PPFIBP1: variants seen among roughly 807,000 people sequenced by gnomAD.
PPFIBP1 encodes PPFIB scaffold protein 1, also known as liprin-beta-1.
In PPFIBP1, 112 loss-of-function variants were observed where a neutral mutation model predicts 137.8. The ratio of observed to expected loss-of-function variants is 0.81; its 90% CI spans 0.70 to 0.95. The LOEUF is 0.95. Among genes scored for constraint, PPFIBP1 ranks in the 40% least tolerant of loss-of-function variants. The probability of loss-of-function intolerance (pLI) is 0.00; values close to 1 mark genes in which losing one functional copy is unlikely to be tolerated. For missense variants in PPFIBP1, 1,083 were observed against 1,196.6 expected, an observed-to-expected ratio of 0.91 and a Z score of 1.40; for synonymous variants, 378 against 417.3, an observed-to-expected ratio of 0.91 and a Z score of 1.15.
chr12:27,603,031 T>G (rs1191640927), intron 2 of PPFIBP1, among the ~76,000 whole-genome samples: 1 of 152,236 alleles, frequency 6.6e-6, no homozygotes, highest in Admixed American at 6.5e-5. Context: ...CTTATTGTAT[T>G]TTATAATGTC....
At position 27,614,332 on chromosome 12, in the gene PPFIBP1, G is replaced by A. The variant is rs536544131; in HGVS notation, c.-35-19030G>A. 2.6e-5 allele frequency among the ~76,000 whole-genome samples: 4 copies of A among 152,118 alleles called. No individual in the cohort carries two copies. The South Asian group carries it at 8.3e-4, about 32-fold the overall frequency. On this transcript the variant is annotated intron_variant, in intron 2 of 29. Coordinates refer to ENST00000228425, the MANE Select transcript of PPFIBP1 (RefSeq NM_003622.4). Reference sequence around the variant, plus strand: ...AGGTTGAGGCTGCAGTGAGCCGTGCGTGATTGGGCCACCGCACTCCAGCCT... The same window carrying A: ...AGGTTGAGGCTGCAGTGAGCCGTGCATGATTGGGCCACCGCACTCCAGCCT...
intron 9 of PPFIBP1, 68 bp downstream of exon 9, chr12:27,656,798 C>CA (rs2059227590): frequency 1.0e-6 from 1 of 1,001,296 alleles, no homozygotes; most frequent in Admixed American, 1.9e-5. Context: ...TAAAGGAAAC[C>CA]AATGAAAATC....
Position 27,647,834 on chromosome 12 carries a change from C to G in PPFIBP1, c.463C>G (p.Leu155Val). 1 of 1,611,456 alleles carries G rather than the reference C, an allele frequency of 6.2e-7. No homozygotes were observed. Among genetic ancestry groups the G allele is most frequent in the East Asian group, 2.2e-5 (1 of 44,702 alleles). Residue 155 changes from leucine to valine, a missense_variant, in exon 6 of 30, where the codon CTG becomes GTG. Physicochemically the swap from Leu to Val is conservative, Grantham distance 32 (BLOSUM62 1). Transcript: ENST00000228425. The stretch of plus-strand genomic sequence containing the variant: ...GAAGGTGAATGCCACAGAAGAAATG[C>G]TGCAGCAGGTATGTGCAGAGGCCAG... Reference protein sequence around the residue: ...REKVNATEEMLQQELLSRTSL... With the variant: ...REKVNATEEMVQQELLSRTSL...
Position 27,676,534 on chromosome 12 carries a change from C to A in PPFIBP1, c.1517C>A (p.Ser506Tyr). 6.2e-7 allele frequency: 1 copy of A among 1,609,544 alleles called. No homozygotes were observed. The highest frequency in any genetic ancestry group is 8.5e-7 in the Non-Finnish European group (1 of 1,177,304). Residue 506 changes from serine (S) to tyrosine (Y), a missense_variant, in exon 18 of 30, where the codon TCT (serine) becomes TAT (tyrosine). Ser to Tyr is a moderately radical substitution (Grantham distance 144). Transcript: ENST00000228425. Reference sequence around the variant, plus strand: ...CCCTTCGGCACTCGAAAAGTCAGATCTTCCTTTGGCCGGGGCTTTTTTAAA... The same window carrying A: ...CCCTTCGGCACTCGAAAAGTCAGATATTCCTTTGGCCGGGGCTTTTTTAAA... ...DNPFGTRKVR[S>Y]SFGRGFFKIK...
chr12:27,563,497 G>GACA (rs1362664140), intron 1 of PPFIBP1, among the ~76,000 whole-genome samples: 1 of 150,422 alleles, frequency 6.6e-6, no homozygotes, highest in Admixed American at 6.6e-5. Context: ...TCAGAGATGA[G>GACA]GCAGAAGAGG....
chr12:27,655,357 C>A (rs545575217), intron 8 of PPFIBP1: 26 of 672,738 alleles, frequency 3.9e-5, no homozygotes, highest in South Asian at 2.7e-4. Flanking sequence ...CTGTTGATTA[C>A]AAATCACCTC....
At chr12:27,577,414 G>T (rs537464229) in intron 1 of PPFIBP1, among the ~76,000 whole-genome samples, 1 of 152,142 alleles carries the variant, frequency 6.6e-6, no homozygotes, top group Non-Finnish European at 1.5e-5. Context: ...TTATGCATTT[G>T]TAAAACATGT....
intron 6 of PPFIBP1, 163 bp downstream of exon 6, chr12:27,648,005 T>C (rs1375668426): frequency 1.2e-5 from 9 of 778,428 alleles, no homozygotes; most frequent in Non-Finnish European, 1.6e-5. Context: ...TCAAAACACA[T>C]GCACACAATA....
At chr12:27,628,735 T>C (rs898028915) in intron 2 of PPFIBP1, among the ~76,000 whole-genome samples, 1 of 152,206 alleles carries the variant, frequency 6.6e-6, no homozygotes, top group African/African-American at 2.4e-5. Context: ...TAAAGTGGAA[T>C]TTTTATTTCT....
chr12:27,649,964 G>C, intron 6 of PPFIBP1, 46 bp from the exon 7 acceptor site: 1 of 1,550,534 alleles, frequency 6.4e-7, no homozygotes, highest in Non-Finnish European at 8.8e-7. Flanking sequence ...TCACGTGCCT[G>C]TTTATAATAA....
intron 27 of PPFIBP1, among the ~76,000 whole-genome samples, 155 bp downstream of exon 27, chr12:27,689,358 G>A (rs2061382983): frequency 6.6e-6 from 1 of 152,046 alleles, no homozygotes; most frequent in Non-Finnish European, 1.5e-5. Flanking sequence ...TGTCTTGGGA[G>A]AAAGATGTTG....
intron 2 of PPFIBP1, among the ~76,000 whole-genome samples, chr12:27,600,352 C>T (rs1305509344): frequency 2.0e-5 from 3 of 151,706 alleles, no homozygotes; most frequent in African/African-American, 7.3e-5. Context: ...AGGGGAATCA[C>T]TTGAACCCGG....
intron 2 of PPFIBP1, among the ~76,000 whole-genome samples, chr12:27,620,500 C>CA (rs1195337998): frequency 6.6e-6 from 1 of 152,198 alleles, no homozygotes; most frequent in African/African-American, 2.4e-5. Flanking sequence ...AGGTTTTAAT[C>CA]AATGTCACTT....
intron 7 of PPFIBP1, among the ~76,000 whole-genome samples, chr12:27,652,492 T>C (rs1219588694): frequency 6.6e-6 from 1 of 152,226 alleles, no homozygotes; most frequent in African/African-American, 2.4e-5. Flanking sequence ...TTGAAATAGT[T>C]TGTATTCTGT....
chr12:27,656,757 A>G (rs780317702), intron 9 of PPFIBP1, 27 bp downstream of exon 9: 1 of 1,448,108 alleles, frequency 6.9e-7, no homozygotes, highest in African/African-American at 1.4e-5. Context: ...CACATTTATC[A>G]TCTCATTTTG....
intron 2 of PPFIBP1, among the ~76,000 whole-genome samples, chr12:27,613,442 G>A (rs1056932718): frequency 2.0e-5 from 3 of 152,218 alleles, no homozygotes; most frequent in African/African-American, 7.2e-5. Context: ...AGTGGCTCAT[G>A]CCTATAATCC....
At chr12:27,680,620 A>G (rs1440215611) in intron 21 of PPFIBP1, among the ~76,000 whole-genome samples, 2 of 152,216 alleles carry the variant, frequency 1.3e-5, no homozygotes, top group African/African-American at 4.8e-5. Context: ...GAATCTATGA[A>G]AGCACTTAAA....
chr12:27,602,163 A>G (rs1467392232), intron 2 of PPFIBP1, among the ~76,000 whole-genome samples: 1 of 152,234 alleles, frequency 6.6e-6, no homozygotes, highest in Non-Finnish European at 1.5e-5. Flanking sequence ...TTCTAGCGTC[A>G]GGATTGGGCT....
At chr12:27,625,994 A>T (rs568008227) in intron 2 of PPFIBP1, among the ~76,000 whole-genome samples, 1 of 152,102 alleles carries the variant, frequency 6.6e-6, no homozygotes, top group Non-Finnish European at 1.5e-5. Context: ...TTTTAAAAAA[A>T]GTATTGTAAC....
Sources: allele counts gnomAD v4.1 joint callset (sites outside exome capture counted in the v4.1 genomes callset), GRCh38; gene constraint gnomAD v4.1.1; transcripts MANE v1.5; gene names NCBI Gene and HGNC (gene_info 2026-07-23, HGNC 2026-07-21).